The following BCHE variants were observed in gnomAD, a reference collection of about 807,000 sequenced individuals.
BCHE encodes the protein butyrylcholinesterase.
Under a neutral mutation model 51.3 loss-of-function variants are expected in BCHE, and 48 were observed. That is an observed-to-expected ratio of 0.94 (90% CI 0.74 to 1.19). BCHE has a LOEUF of 1.19. BCHE is among the 50% of genes most tolerant of loss of function. BCHE has a pLI of 0.00. For synonymous variants in BCHE, 251 were observed against 238.0 expected, an observed-to-expected ratio of 1.05 and a Z score of -0.50; for missense variants, 847 against 708.2, an observed-to-expected ratio of 1.20 and a Z score of -2.23.
At chr3:165,805,194 C>T (rs184991169) in intron 2 of BCHE, among the ~76,000 whole-genome samples, 2 of 151,832 alleles carry the variant, frequency 1.3e-5, no homozygotes, top group Non-Finnish European at 2.9e-5. Context: ...ATAACGAGCT[C>T]TTAGTAGACA....
chr3:165,781,848 T>C (rs1308566130), intron 3 of BCHE, among the ~76,000 whole-genome samples: 1 of 152,184 alleles, frequency 6.6e-6, no homozygotes, highest in Non-Finnish European at 1.5e-5. Context: ...TTATGTGGTA[T>C]GAAAAATAAT....
At position 165,773,465 on chromosome 3, in the gene BCHE, G is replaced by A. The variant is rs1438226349; in HGVS notation, c.1726C>T (p.His576Tyr). ...TCCATCATGTAATTGTTCCAGCGATGGAATCCTGCTTTCCACTCCCATTCT... is the reference window on the plus strand; with the variant it reads ...TCCATCATGTAATTGTTCCAGCGATAGAATCCTGCTTTCCACTCCCATTCT... ...EAEWEWKAGFHRWNNYMMDWK... is the reference protein window; with the variant it reads ...EAEWEWKAGFYRWNNYMMDWK... The change falls in exon 4 of 4, where the codon CAT becomes TAT. Residue 576 changes from histidine to tyrosine, a missense_variant. By Grantham distance (83) the His-to-Tyr change is moderately conservative. Coordinates refer to ENST00000264381, the MANE Select transcript of BCHE (RefSeq NM_000055.4). 2.5e-6 allele frequency: 4 copies of A among 1,608,750 alleles called. No individual in the cohort carries two copies. The highest frequency in any genetic ancestry group is 2.7e-5 in the African/African-American group (2 of 74,760).
chr3:165,830,006 GT>G lies in BCHE; in HGVS notation c.1027del (p.Thr343ProfsTer16). On this transcript the variant is annotated frameshift_variant, in exon 2 of 4. Coordinates refer to ENST00000264381, the MANE Select transcript of BCHE (RefSeq NM_000055.4). LOFTEE classifies it high-confidence loss of function. Reference sequence around the variant, plus strand: ...TTTATTAACACCCACCAAAATCTGGGTTTTTTTAAATTGTCCAAGTTCAAGT... The same window carrying G: ...TTTATTAACACCCACCAAAATCTGGGTTTTTTAAATTGTCCAAGTTCAAGT... ...ILLELGQFKK[T>X]QILVGVNKDE... The G allele has an allele frequency of 6.2e-7, 1 of 1,613,672 alleles. No individual in the cohort carries two copies. Among genetic ancestry groups the G allele is most frequent in the Non-Finnish European group, 8.5e-7 (1 of 1,179,862 alleles).
In BCHE at chr3:165,774,240, A is replaced by G. The variant is rs149834626; in HGVS notation, c.1685-734T>C. 2.6e-5 allele frequency among the ~76,000 whole-genome samples: 4 copies of G among 152,300 alleles called. No homozygotes were observed. The East Asian group carries it at 5.8e-4, about 22-fold the overall frequency. On this transcript the variant is annotated intron_variant, in intron 3 of 3. Transcript: ENST00000264381. The stretch of plus-strand genomic sequence containing the variant: ...CCATGGATGTGTAACCCGCAAATAC[A>G]AAGGTCATACTGTATTTATTAATGC...
chr3:165,801,269 CG>C (rs1713632360), intron 2 of BCHE, among the ~76,000 whole-genome samples: 1 of 152,110 alleles, frequency 6.6e-6, no homozygotes, highest in Admixed American at 6.6e-5. Context: ...CTGTCCAAGG[CG>C]GATGTGCCAT....
chr3:165,816,397 A>G (rs1714314593), intron 2 of BCHE, among the ~76,000 whole-genome samples: 1 of 152,006 alleles, frequency 6.6e-6, no homozygotes, highest in African/African-American at 2.4e-5. Flanking sequence ...AATATTCCCC[A>G]TGAAAAAGCA....
At chr3:165,787,701 G>A (rs1482568408) in intron 2 of BCHE, among the ~76,000 whole-genome samples, 2 of 151,962 alleles carry the variant, frequency 1.3e-5, no homozygotes, top group Non-Finnish European at 2.9e-5. Context: ...TTCTAGGATA[G>A]AAGGAGATAC....
chr3:165,803,710 G>C (rs1370264396), intron 2 of BCHE, among the ~76,000 whole-genome samples: 1 of 152,058 alleles, frequency 6.6e-6, no homozygotes, highest in Non-Finnish European at 1.5e-5. Context: ...GAATTTTTTG[G>C]CATAAGCAAG....
chr3:165,812,638 T>C (rs1315417846), intron 2 of BCHE, among the ~76,000 whole-genome samples: 1 of 151,998 alleles, frequency 6.6e-6, no homozygotes, highest in Non-Finnish European at 1.5e-5. Flanking sequence ...AAGAATTAAA[T>C]ATTTTACATA....
intron 2 of BCHE, among the ~76,000 whole-genome samples, chr3:165,808,904 C>A (rs1391728262): frequency 1.3e-5 from 2 of 151,894 alleles, no homozygotes; most frequent in Non-Finnish European, 1.5e-5. Flanking sequence ...GCATATACTG[C>A]AGAAAAATGC....
In BCHE at chr3:165,830,032, T is replaced by G. The variant is rs1714893479; in HGVS notation, c.1002A>C (p.Leu334Phe). ...GDFLTDMPDI[L>F]LELGQFKKTQ... The stretch of plus-strand genomic sequence containing the variant: ...TTTTTTTAAATTGTCCAAGTTCAAG[T>G]AATATGTCTGGCATGTCAGTGAGAA... The change falls in exon 2 of 4, where the codon TTA becomes TTC. Residue 334 changes from leucine to phenylalanine, a missense_variant. Transcript: ENST00000264381. The G allele has an allele frequency of 6.2e-7, 1 of 1,613,684 alleles. No homozygotes were observed. Among genetic ancestry groups the G allele is most frequent in the Non-Finnish European group, 8.5e-7 (1 of 1,179,892 alleles).
At chr3:165,792,340 T>C (rs1379075211) in intron 2 of BCHE, among the ~76,000 whole-genome samples, 3 of 152,170 alleles carry the variant, frequency 2.0e-5, no homozygotes, top group African/African-American at 7.2e-5. Context: ...TAGGAAAAAT[T>C]ACCCGGAAAA....
chr3:165,776,179 G>A (rs1055704121), intron 3 of BCHE, among the ~76,000 whole-genome samples: 3 of 151,950 alleles, frequency 2.0e-5, no homozygotes, highest in Admixed American at 1.3e-4. Context: ...AGACCTTTAT[G>A]GTAGGCAATG....
Position 165,837,334 on chromosome 3 carries a change from T to C in BCHE, c.-29A>G, listed in dbSNP as rs1021541736. ...CTTACCCGATTCTCTGCAACAAAGATGGCAAAGTTTGCAAGGAGTGAAAAT... is the reference window on the plus strand; with the variant it reads ...CTTACCCGATTCTCTGCAACAAAGACGGCAAAGTTTGCAAGGAGTGAAAAT... On this transcript the variant is annotated 5_prime_UTR_variant, in exon 1 of 4. Coordinates refer to ENST00000264381, the MANE Select transcript of BCHE (RefSeq NM_000055.4). The C allele has an allele frequency of 1.6e-6, 2 of 1,289,704 alleles. No individual in the cohort carries two copies. The highest frequency in any genetic ancestry group is 1.0e-6 in the Non-Finnish European group (1 of 988,776). The allele number at this position is 1,289,704 out of a possible 1,614,324, so 79.9% of individuals were successfully genotyped here.
chr3:165,791,808 C>G (rs1239708864), intron 2 of BCHE, among the ~76,000 whole-genome samples: 3 of 151,668 alleles, frequency 2.0e-5, no homozygotes, highest in Non-Finnish European at 4.4e-5. Flanking sequence ...CAAAAATTAC[C>G]CGATATGATC....
intron 3 of BCHE, among the ~76,000 whole-genome samples, chr3:165,777,055 G>C (rs1003892892): frequency 1.3e-5 from 2 of 151,700 alleles, no homozygotes; most frequent in African/African-American, 2.4e-5. Flanking sequence ...ATGTATAGCA[G>C]GCATGGTAAA....
intron 2 of BCHE, among the ~76,000 whole-genome samples, chr3:165,795,843 C>T (rs186120325): frequency 7.2e-5 from 11 of 152,092 alleles, no homozygotes; most frequent in Admixed American, 5.2e-4. Context: ...TAAACTTTTA[C>T]TGTTTCATCA....
Position 165,773,452 on chromosome 3 carries a change from T to C in BCHE, c.1739A>G (p.Asn580Ser). Residue 580 changes from asparagine (N) to serine (S), a missense_variant, in exon 4 of 4, where the codon AAT becomes AGT. Physicochemically the swap from Asn to Ser is conservative, Grantham distance 46 (BLOSUM62 1). Transcript: ENST00000264381. ...EWKAGFHRWNNYMMDWKNQFN... is the reference protein window; with the variant it reads ...EWKAGFHRWNSYMMDWKNQFN... The stretch of plus-strand genomic sequence containing the variant: ...TTGATTTTTCCAGTCCATCATGTAA[T>C]TGTTCCAGCGATGGAATCCTGCTTT... The C allele has an allele frequency of 6.2e-7, 1 of 1,608,828 alleles. No homozygotes were observed. Among genetic ancestry groups the C allele is most frequent in the Non-Finnish European group, 8.5e-7 (1 of 1,175,566 alleles).
intron 3 of BCHE, among the ~76,000 whole-genome samples, chr3:165,781,040 G>A (rs1560002224): frequency 6.6e-6 from 1 of 152,154 alleles, no homozygotes; most frequent in East Asian, 1.9e-4. Flanking sequence ...TCAGGGGTTC[G>A]AGATCAGCCT....
Sources: gnomAD v4.1 joint callset for allele counts (sites outside exome capture counted in the v4.1 genomes callset) on GRCh38, gnomAD v4.1.1 for gene constraint, MANE v1.5 for transcripts, NCBI Gene and HGNC (gene_info 2026-07-23, HGNC 2026-07-21) for gene names.